ADAM20: variants seen among roughly 807,000 people sequenced by gnomAD.
The protein encoded by ADAM20 is disintegrin and metalloproteinase domain-containing protein 20.
For missense variants in ADAM20, 871 were observed against 883.2 expected, an observed-to-expected ratio of 0.99 and a Z score of 0.18; for synonymous variants, 305 against 310.2, an observed-to-expected ratio of 0.98 and a Z score of 0.18.
rs763539439 is a variant in ADAM20, at chr14:70,522,967, A to G, written c.1791T>C (p.His597=). 79 of 1,613,910 alleles carry G rather than the reference A, an allele frequency of 4.9e-5. No homozygotes were observed. The highest frequency in any genetic ancestry group is 1.4e-4 in the South Asian group (13 of 91,088). Residue 597 remains histidine (H), a synonymous_variant, in exon 2 of 2, where the codon CAT becomes CAC. Transcript: ENST00000256389. The part of the protein sequence containing the change: ...NDTTCWGTDY[H]LGMAIPDIGE... ...CAATATCAGGTATAGCCATCCCTAA[A>G]TGATAATCAGTGCCCCAGCAAGTGG...
chr14:70,572,589 T>C, the ADAM20 span, among the ~76,000 whole-genome samples: 1 of 151,952 alleles, frequency 6.6e-6, no homozygotes, highest in Non-Finnish European at 1.5e-5. Flanking sequence ...AAAACAAAAA[T>C]AGACAAATCA....
At chr14:70,569,145 T>G in the ADAM20 span, among the ~76,000 whole-genome samples, 1 of 151,750 alleles carries the variant, frequency 6.6e-6, no homozygotes, top group African/African-American at 2.4e-5. Context: ...GAAAAAAAAA[T>G]GGCAGCCAAA....
At chr14:70,537,285 T>A (rs1256420095), upstream of ADAM20, among the ~76,000 whole-genome samples, 1 of 152,190 alleles carries the variant, frequency 6.6e-6, no homozygotes, top group East Asian at 1.9e-4. Flanking sequence ...GCCCTCAAAA[T>A]CCTCAGGTCT....
the ADAM20 span, among the ~76,000 whole-genome samples, chr14:70,546,478 C>T: frequency 6.6e-6 from 1 of 152,070 alleles, no homozygotes; most frequent in South Asian, 2.1e-4. Flanking sequence ...AGGGGACTTC[C>T]AGGTCACAGA....
the ADAM20 span, among the ~76,000 whole-genome samples, chr14:70,574,621 C>T: frequency 2.9e-4 from 43 of 150,322 alleles, no homozygotes; most frequent in Middle Eastern, 3.4e-3. Flanking sequence ...GCCTGGGGGA[C>T]AGAGCGAGAC....
chr14:70,541,244 CAA>C, the ADAM20 span, among the ~76,000 whole-genome samples: 9 of 152,174 alleles, frequency 5.9e-5, no homozygotes. Flanking sequence ...AAGAAATGTA[CAA>C]TTTAAAAGTG....
intron 1 of ADAM20, among the ~76,000 whole-genome samples, chr14:70,527,988 A>G (rs1012543498): frequency 6.6e-6 from 1 of 152,230 alleles, no homozygotes; most frequent in South Asian, 2.1e-4. Flanking sequence ...TCTGCTTTGC[A>G]TCATTAATAT....
intron 1 of ADAM20, among the ~76,000 whole-genome samples, chr14:70,530,489 TTATG>T (rs1488423820): frequency 6.6e-6 from 1 of 152,208 alleles, no homozygotes; most frequent in African/African-American, 2.4e-5. Context: ...ATTATCAACT[TTATG>T]TACTACACAT....
the ADAM20 span, among the ~76,000 whole-genome samples, chr14:70,559,269 A>C: frequency 3.4e-5 from 5 of 149,178 alleles, no homozygotes; most frequent in Non-Finnish European, 7.4e-5. Flanking sequence ...CTATCCTTCA[A>C]GTTGCCTAGA....
chr14:70,545,236 C>T, the ADAM20 span, among the ~76,000 whole-genome samples: 69 of 152,284 alleles, frequency 4.5e-4, no homozygotes, highest in African/African-American at 1.5e-3. Context: ...CACAGTGCCC[C>T]GTTTTGACTT....
chr14:70,523,230 T>C lies in ADAM20; in HGVS notation c.1528A>G (p.Asn510Asp), dbSNP rs58669540. The C allele has an allele frequency of 5.3e-3, 8,518 of 1,613,994 alleles. 109 individuals carry two copies. Among genetic ancestry groups the C allele is most frequent in the African/African-American group, 0.049 (3,642 of 74,992 alleles). ...ATCTCTTTACATTGTATATCATGGTTATTACACGTCTTTTCATAGCAGAAG... is the reference window on the plus strand; with the variant it reads ...ATCTCTTTACATTGTATATCATGGTCATTACACGTCTTTTCATAGCAGAAG... ...NAFCYEKTCN[N>D]HDIQCKEIFG... is the part of the protein sequence containing the mutation. The change falls in exon 2 of 2, where the codon AAC (asparagine) becomes GAC (aspartate). Residue 510 changes from asparagine (N) to aspartate (D), a missense_variant. Coordinates refer to ENST00000256389, the MANE Select transcript of ADAM20 (RefSeq NM_003814.5).
At chr14:70,528,856 A>G (rs1274444014) in intron 1 of ADAM20, among the ~76,000 whole-genome samples, 1 of 152,186 alleles carries the variant, frequency 6.6e-6, no homozygotes, top group Non-Finnish European at 1.5e-5. Flanking sequence ...GAAGCTTCCT[A>G]AAGCAGGTTT....
At chr14:70,575,109 G>C in the ADAM20 span, among the ~76,000 whole-genome samples, 2 of 151,528 alleles carry the variant, frequency 1.3e-5, no homozygotes, top group African/African-American at 4.8e-5. Flanking sequence ...AAGTTCTAGA[G>C]ATCTGCTGCA....
the ADAM20 span, among the ~76,000 whole-genome samples, chr14:70,565,932 GAA>G: frequency 7.2e-6 from 1 of 139,588 alleles, no homozygotes; most frequent in South Asian, 2.3e-4. Flanking sequence ...AGTGCTGAAA[GAA>G]AAAAAAAAAA....
the ADAM20 span, among the ~76,000 whole-genome samples, chr14:70,540,197 G>C: frequency 6.6e-6 from 1 of 152,018 alleles, no homozygotes; most frequent in Non-Finnish European, 1.5e-5. Flanking sequence ...TGTTCTTAAA[G>C]GGCCTCACCC....
chr14:70,527,931 C>A (rs1485713890), intron 1 of ADAM20, among the ~76,000 whole-genome samples: 1 of 152,204 alleles, frequency 6.6e-6, no homozygotes, highest in East Asian at 1.9e-4. Context: ...TTTCCTCATT[C>A]TTGAACCACA....
At chr14:70,566,720 T>C in the ADAM20 span, among the ~76,000 whole-genome samples, 1 of 152,184 alleles carries the variant, frequency 6.6e-6, no homozygotes, top group East Asian at 1.9e-4. Context: ...TGGCTCACAC[T>C]TGTAATCACA....
the ADAM20 span, among the ~76,000 whole-genome samples, chr14:70,578,955 C>T: frequency 3.3e-5 from 5 of 152,232 alleles, no homozygotes; most frequent in East Asian, 9.6e-4. Flanking sequence ...TTTTCCATTT[C>T]TGTGTTAATT....
the ADAM20 span, chr14:70,547,335 A>AG: frequency 6.5e-6 from 1 of 154,372 alleles, no homozygotes; most frequent in East Asian, 1.9e-4. Flanking sequence ...TCCGGTCTAC[A>AG]GCTCCCAGCG....
Sources: gnomAD v4.1 joint callset for allele counts (sites outside exome capture counted in the v4.1 genomes callset) on GRCh38, gnomAD v4.1.1 for gene constraint, MANE v1.5 for transcripts, NCBI Gene and HGNC (gene_info 2026-07-23, HGNC 2026-07-21) for gene names.